PHACTR2: variants seen among roughly 807,000 people sequenced by gnomAD.
PHACTR2 encodes chromosome 6 open reading frame 56.
PHACTR2 carries 30 observed loss-of-function variants against 76.0 expected under a neutral mutation model. That is an observed-to-expected ratio of 0.39 (90% confidence interval 0.30 to 0.54). The LOEUF (loss-of-function observed/expected upper bound fraction) is 0.54. Among genes scored for constraint, PHACTR2 ranks in the 20% least tolerant of loss-of-function variants. The pLI, the probability that PHACTR2 is intolerant of heterozygous loss-of-function variation, is 0.61. For missense variants in PHACTR2, 696 were observed against 781.1 expected (o/e 0.89, Z 1.30); for synonymous variants, 292 against 292.5 (o/e 1.00, Z 0.02).
In PHACTR2 at chr6:143,658,940, C is replaced by T. The variant is rs1283946621; in HGVS notation, c.13+50618C>T. On this transcript the variant is annotated intron_variant, in intron 1 of 11. Transcript: ENST00000305766. This position sits in a 1 kb window ranked among gnomAD's most constrained non-coding sequence, Gnocchi z 4.1. Reference sequence around the variant, plus strand: ...CTCTGAGGCTGAGGCAGGAGAATCGCTTGAACCCAGGAGGTGGAGGCTGAA... The same window carrying T: ...CTCTGAGGCTGAGGCAGGAGAATCGTTTGAACCCAGGAGGTGGAGGCTGAA... Among the ~76,000 whole-genome samples the T allele has an allele frequency of 1.3e-5, 2 of 151,692 alleles. No individual in the cohort carries two copies. The highest frequency in any genetic ancestry group is 2.9e-5 in the Non-Finnish European group (2 of 67,978).
In PHACTR2 at chr6:143,754,571, A is replaced by G. The variant is rs1372016197; in HGVS notation, c.454+659A>G. On this transcript the variant is annotated intron_variant, in intron 4 of 12. Coordinates refer to ENST00000440869, the MANE Select transcript of PHACTR2 (RefSeq NM_001100164.2). This position sits in a 1 kb window ranked among gnomAD's most constrained non-coding sequence, Gnocchi z 6.2. ...AGAGACCTTGGTTCCTAGAGTGAAT[A>G]TGCTACAGTAGATTGAGATACCTGC... Among the ~76,000 whole-genome samples, 1 of 152,214 alleles carries G rather than the reference A, an allele frequency of 6.6e-6. No homozygotes were observed. The highest frequency in any genetic ancestry group is 2.4e-5 in the African/African-American group (1 of 41,464).
chr6:143,589,635 C>T lies in PHACTR2; in HGVS notation c.217+52428C>T, dbSNP rs1004564510. ...TGTCTCTGTGTCCAAATTTCCTCTT[C>T]TTATACAAACACCAGCCAGATTGAA... On this transcript the variant is annotated intron_variant, in intron 1 of 11. Coordinates refer to the PHACTR2 transcript ENST00000367584. The surrounding 1 kb of genome is among the most constrained non-coding windows in gnomAD (Gnocchi z 4.4). Among the ~76,000 whole-genome samples the T allele has an allele frequency of 1.3e-5, 2 of 152,196 alleles. No homozygotes were observed. The highest frequency in any genetic ancestry group is 4.8e-5 in the African/African-American group (2 of 41,444).
intron 12 of PHACTR2, among the ~76,000 whole-genome samples, chr6:143,815,143 T>C (rs1399102357): frequency 6.6e-6 from 1 of 152,096 alleles, no homozygotes; most frequent in Non-Finnish European, 1.5e-5. Flanking sequence ...ATTTACTTGC[T>C]ACCTGGACAG....
rs566532922 is a variant in PHACTR2 at position 143,765,336 on chromosome 6, G to A, written c.770G>A (p.Arg257His). ...ASPSTSSTSS[R>H]PKASKETVSS... ...CCATCCACTTCATCCACCTCATCTC[G>A]TCCCAAAGCTTCAAAGGAGACAGTT... Residue 257 changes from arginine to histidine, a missense_variant, in exon 6 of 13, where the codon CGT (arginine) becomes CAT (histidine). Physicochemically the swap from Arg to His is conservative, Grantham distance 29. Transcript: ENST00000440869. This position sits in a 1 kb window ranked among gnomAD's most constrained non-coding sequence, Gnocchi z 4.1. 1.2e-4 allele frequency: 190 copies of A among 1,614,026 alleles called. No individual in the cohort carries two copies. Among genetic ancestry groups the A allele is most frequent in the Admixed American group, 2.2e-4 (13 of 60,008 alleles).
In PHACTR2 at chr6:143,696,757, AAAC is replaced by A. The variant is rs1777780548; in HGVS notation, c.47-15256_47-15254del. 6.6e-6 allele frequency among the ~76,000 whole-genome samples: 1 copy of A among 152,226 alleles called. No individual in the cohort carries two copies. The highest frequency in any genetic ancestry group is 2.4e-5 in the African/African-American group (1 of 41,458). ...TGACACATAGCTAAAGAGTTAAACA[AAAC>A]AAACCATTTTCTTCTCTGGAAGCTT... On this transcript the variant is annotated intron_variant, in intron 1 of 12. Coordinates refer to ENST00000440869, the MANE Select transcript of PHACTR2 (RefSeq NM_001100164.2). This position sits in a 1 kb window ranked among gnomAD's most constrained non-coding sequence, Gnocchi z 4.1.
rs1292167455 is a variant in PHACTR2, at chr6:143,537,503, G to A, written c.217+296G>A. Among the ~76,000 whole-genome samples the A allele has an allele frequency of 6.6e-6, 1 of 152,136 alleles. No homozygotes were observed. The highest frequency in any genetic ancestry group is 1.5e-5 in the Non-Finnish European group (1 of 68,014). On this transcript the variant is annotated intron_variant, in intron 1 of 11. Coordinates refer to the PHACTR2 transcript ENST00000367584. This position sits in a 1 kb window ranked among gnomAD's most constrained non-coding sequence, Gnocchi z 4.4. The stretch of plus-strand genomic sequence containing the variant: ...GAGCGCTCCCTCTCGGCTGCACGGC[G>A]CCAGGCAGCACCGCAGCTTGGCTTC...
rs1350675097 is a variant in PHACTR2 at position 143,771,223 on chromosome 6, T to C, written c.1233-1035T>C. On this transcript the variant is annotated intron_variant, in intron 6 of 12. Coordinates refer to ENST00000440869, the MANE Select transcript of PHACTR2 (RefSeq NM_001100164.2). ...ATATATATATATATATATATATATA[T>C]ATATATATATATGCTTTTTTTTATT... Among the ~76,000 whole-genome samples, 6 of 114,126 alleles carry C rather than the reference T, an allele frequency of 5.3e-5. 1 individual carries two copies. Among genetic ancestry groups the C allele is most frequent in the South Asian group, 5.5e-4 (2 of 3,656 alleles). The allele number at this position is 114,126 out of a possible 152,430, so 74.9% of individuals were successfully genotyped here. A position where few individuals can be genotyped will look rare whatever the true frequency, so the allele number is the denominator to read the frequency against.
At position 143,672,298 on chromosome 6, in the gene PHACTR2, A is replaced by G. The variant is rs1228770421; in HGVS notation, c.14-39718A>G. 1.3e-5 allele frequency among the ~76,000 whole-genome samples: 2 copies of G among 152,106 alleles called. No homozygotes were observed. Among genetic ancestry groups the G allele is most frequent in the Non-Finnish European group, 2.9e-5 (2 of 68,024 alleles). On this transcript the variant is annotated intron_variant, in intron 1 of 11. Transcript: ENST00000305766. This position sits in a 1 kb window ranked among gnomAD's most constrained non-coding sequence, Gnocchi z 5.8. ...AGACCCTATCTCTACAAAAAAAAAA[A>G]AAATTACAAATAATTAGCTGGGCAT...
Position 143,648,358 on chromosome 6 carries a change from C to A in PHACTR2, c.13+40036C>A, listed in dbSNP as rs1162689814. On this transcript the variant is annotated intron_variant, in intron 1 of 11. Coordinates refer to the PHACTR2 transcript ENST00000305766. The surrounding 1 kb of genome is among the most constrained non-coding windows in gnomAD (Gnocchi z 6.7). ...TTTGCCTTATTATTTACTAAGCGTT[C>A]ATCATAGTTCTAAATAGATTCCTCA... is the stretch of plus-strand genomic sequence containing the variant. Among the ~76,000 whole-genome samples, 1 of 152,112 alleles carries A rather than the reference C, an allele frequency of 6.6e-6. No individual in the cohort carries two copies. Among genetic ancestry groups the A allele is most frequent in the African/African-American group, 2.4e-5 (1 of 41,424 alleles).
In PHACTR2 at chr6:143,806,432, T is replaced by TA. The variant is rs1347641234; in HGVS notation, c.1846-624dup. 2.6e-5 allele frequency among the ~76,000 whole-genome samples: 4 copies of TA among 152,226 alleles called. No individual in the cohort carries two copies. Among genetic ancestry groups the TA allele is most frequent in the Non-Finnish European group, 5.9e-5 (4 of 68,044 alleles). Reference sequence around the variant, plus strand: ...AGCCATGTTGTTGTAGGCAATATTCTATGTAGAACTTTCCATAGGAAAATG... The same window carrying TA: ...AGCCATGTTGTTGTAGGCAATATTCTAATGTAGAACTTTCCATAGGAAAATG... On this transcript the variant is annotated intron_variant, in intron 11 of 12. Coordinates refer to ENST00000440869, the MANE Select transcript of PHACTR2 (RefSeq NM_001100164.2). This position sits in a 1 kb window ranked among gnomAD's most constrained non-coding sequence, Gnocchi z 5.8.
Position 143,652,363 on chromosome 6 carries a change from A to G in PHACTR2, c.13+44041A>G, listed in dbSNP as rs1240785877. Among the ~76,000 whole-genome samples the G allele has an allele frequency of 6.6e-6, 1 of 152,224 alleles. No individual in the cohort carries two copies. Among genetic ancestry groups the G allele is most frequent in the African/African-American group, 2.4e-5 (1 of 41,456 alleles). On this transcript the variant is annotated intron_variant, in intron 1 of 11. Coordinates refer to the PHACTR2 transcript ENST00000305766. This position sits in a 1 kb window ranked among gnomAD's most constrained non-coding sequence, Gnocchi z 4.5. ...AAGAAAAGAAACTCTGCCTGGCTGC[A>G]TCAGCTAGACAAAGGTACCTGCGCT...
intron 1 of PHACTR2, among the ~76,000 whole-genome samples, chr6:143,613,271 G>A (rs1278532059): frequency 6.6e-6 from 1 of 152,200 alleles, no homozygotes; most frequent in African/African-American, 2.4e-5. Context: ...CACCGCGCCC[G>A]GCCCATGTAA....
At position 143,764,617 on chromosome 6, in the gene PHACTR2, C is replaced by T. The variant is rs1779513917; in HGVS notation, c.695-644C>T. ...GATGCTTTGAAGGGAGTGTACCTTT[C>T]CTGTGTGGCCATGGGTTTTCCCTTT... On this transcript the variant is annotated intron_variant, in intron 5 of 12. Transcript: ENST00000440869. This position sits in a 1 kb window ranked among gnomAD's most constrained non-coding sequence, Gnocchi z 4.7. 6.6e-6 allele frequency among the ~76,000 whole-genome samples: 1 copy of T among 151,662 alleles called. No homozygotes were observed. The highest frequency in any genetic ancestry group is 2.1e-4 in the South Asian group (1 of 4,818).
rs375033767 is a variant in PHACTR2, at chr6:143,712,107, C to T, written c.138C>T (p.Ser46=). ...TPPFKRKGKL[S]TIGKIFKPWK... ...CCTTCAAAAGAAAGGGGAAACTATC[C>T]ACCATTGGTAAAATCTTTAAGCCTT... Residue 46 remains serine, a synonymous_variant, in exon 2 of 13, where the codon TCC becomes TCT. Transcript: ENST00000440869. The T allele has an allele frequency of 2.5e-6, 4 of 1,593,660 alleles. No homozygotes were observed. The African/African-American group carries it at 5.4e-5, about 22-fold the overall frequency.
chr6:143,604,919 A>G (rs1262592820), upstream of PHACTR2, among the ~76,000 whole-genome samples: 1 of 151,798 alleles, frequency 6.6e-6, no homozygotes, highest in East Asian at 1.9e-4. Context: ...AAAAAAGAAA[A>G]GCAAGCAGAA....
At chr6:143,568,206 A>T (rs1775388896) in intron 1 of PHACTR2, among the ~76,000 whole-genome samples, 1 of 152,186 alleles carries the variant, frequency 6.6e-6, no homozygotes, top group Non-Finnish European at 1.5e-5. Context: ...TGGTTTTGCC[A>T]CCAACTAGAG....
In PHACTR2 at chr6:143,589,649, A is replaced by G. The variant is rs1363717465; in HGVS notation, c.217+52442A>G. Among the ~76,000 whole-genome samples the G allele has an allele frequency of 6.6e-6, 1 of 152,146 alleles. No individual in the cohort carries two copies. On this transcript the variant is annotated intron_variant, in intron 1 of 11. Coordinates refer to the PHACTR2 transcript ENST00000367584. The surrounding 1 kb of genome is among the most constrained non-coding windows in gnomAD (Gnocchi z 4.4). ...AATTTCCTCTTCTTATACAAACACC[A>G]GCCAGATTGAAGTGGGGCTCACTCT... is the stretch of plus-strand genomic sequence containing the variant.
Position 143,783,005 on chromosome 6 carries a change from ATGTGTGTGTGTGTG to A in PHACTR2, c.1646-196_1646-183del, listed in dbSNP as rs144077213. Among the ~76,000 whole-genome samples the A allele has an allele frequency of 3.4e-5, 5 of 146,136 alleles. No homozygotes were observed. The highest frequency in any genetic ancestry group is 7.5e-5 in the Non-Finnish European group (5 of 66,438). On this transcript the variant is annotated intron_variant, in intron 9 of 12. Coordinates refer to ENST00000440869, the MANE Select transcript of PHACTR2 (RefSeq NM_001100164.2). This position sits in a 1 kb window ranked among gnomAD's most constrained non-coding sequence, Gnocchi z 5.2. ...AGCAAACCAGTCCTACAAAAAAAGC[ATGTGTGTGTGTGTG>A]TGTGTGTGTGTGTGTGTATGTGTGT...
rs564721385 is a variant in PHACTR2, at chr6:143,684,594, C to A, written c.46+6385C>A. On this transcript the variant is annotated intron_variant, in intron 1 of 12. Coordinates refer to ENST00000440869, the MANE Select transcript of PHACTR2 (RefSeq NM_001100164.2). The surrounding 1 kb of genome is among the most constrained non-coding windows in gnomAD (Gnocchi z 4.3). ...CTTTGCTACATTATTCTCAAAGAGG[C>A]TTTCTCAGTGTTATCTGCTTATTAT... 3.9e-4 allele frequency among the ~76,000 whole-genome samples: 59 copies of A among 152,316 alleles called. No homozygotes were observed. The highest frequency in any genetic ancestry group is 1.3e-3 in the African/African-American group (54 of 41,568).
Sources: gnomAD v4.1 joint callset for allele counts (sites outside exome capture counted in the v4.1 genomes callset) on GRCh38, gnomAD v4.1.1 for gene constraint, Gnocchi (gnomAD v3.1) non-coding constraint, MANE v1.5 for transcripts, NCBI Gene and HGNC (gene_info 2026-07-23, HGNC 2026-07-21) for gene names.